RPTOR: variants seen among roughly 807,000 people sequenced by gnomAD.
The protein encoded by RPTOR is regulatory-associated protein of mTOR.
In RPTOR, 21 loss-of-function variants were observed where a neutral mutation model predicts 169.9. The ratio of observed to expected loss-of-function variants is 0.12; its 90% confidence interval spans 0.09 to 0.18. RPTOR has a LOEUF of 0.18. RPTOR is among the 10% of genes least tolerant of loss of function. The probability of loss-of-function intolerance (pLI) is 1.00; values close to 1 mark genes in which losing one functional copy is unlikely to be tolerated. For synonymous variants in RPTOR, 732 were observed against 753.2 expected (o/e 0.97, Z 0.46); for missense variants, 1,133 against 1,855.9 (o/e 0.61, Z 7.16).
intron 9 of RPTOR, among the ~76,000 whole-genome samples, chr17:80,830,613 G>A (rs906671997): frequency 6.6e-5 from 10 of 152,222 alleles, no homozygotes; most frequent in African/African-American, 2.4e-4. Context: ...GCTTCGAAAG[G>A]AGTTTGGTAG....
intron 13 of RPTOR, among the ~76,000 whole-genome samples, chr17:80,879,357 G>C (rs1442227760): frequency 7.0e-6 from 1 of 142,000 alleles, no homozygotes; most frequent in Non-Finnish European, 1.5e-5. Flanking sequence ...ACCTGCCCCC[G>C]CCTGCCCTGC....
intron 3 of RPTOR, among the ~76,000 whole-genome samples, chr17:80,648,049 A>T (rs951872050): frequency 1.3e-5 from 2 of 152,180 alleles, no homozygotes; most frequent in African/African-American, 4.8e-5. Context: ...TATAGTGCCT[A>T]ACCCCAAGCA....
intron 11 of RPTOR, among the ~76,000 whole-genome samples, chr17:80,854,090 G>A (rs1339898439): frequency 1.3e-5 from 2 of 152,016 alleles, no homozygotes; most frequent in East Asian, 1.9e-4. Context: ...ATAAGAAAAA[G>A]CCACATTTTG....
intron 3 of RPTOR, among the ~76,000 whole-genome samples, chr17:80,700,781 A>ATGGTGGTGG (rs1491063957): frequency 3.3e-4 from 1 of 3,022 alleles, no homozygotes; most frequent in Admixed American, 2.9e-3. Flanking sequence ...GGTAGAGATG[A>ATGGTGGTGG]TGATGGTGGT....
intron 12 of RPTOR, among the ~76,000 whole-genome samples, chr17:80,856,118 G>C (rs974781214): frequency 1.3e-5 from 2 of 152,360 alleles, no homozygotes; most frequent in East Asian, 3.9e-4. Flanking sequence ...GAACCACAGA[G>C]TCAAGGAAAC....
At chr17:80,567,798 TAAATA>T (rs1192613067) in intron 1 of RPTOR, among the ~76,000 whole-genome samples, 1 of 136,690 alleles carries the variant, frequency 7.3e-6, no homozygotes, top group Admixed American at 8.3e-5. Flanking sequence ...TATCAAAAAA[TAAATA>T]AAATAAATAA....
chr17:80,698,467 C>T lies in RPTOR; in HGVS notation c.349-9374C>T, dbSNP rs372271230. ...CAGCATGTGGTCATGGCCTGCTCCCCGGGGGCCATTCCAGCCATTGATCCA... is the reference window on the plus strand; with the variant it reads ...CAGCATGTGGTCATGGCCTGCTCCCTGGGGGCCATTCCAGCCATTGATCCA... On this transcript the variant is annotated intron_variant, in intron 3 of 33. Transcript: ENST00000306801. 4.4e-4 allele frequency among the ~76,000 whole-genome samples: 67 copies of T among 152,302 alleles called. 1 individual carries two copies. The highest frequency in any genetic ancestry group is 1.1e-3 in the African/African-American group (46 of 41,576).
chr17:80,815,936 A>G (rs2589131), intron 7 of RPTOR, among the ~76,000 whole-genome samples: 1,629 of 4,552 alleles, frequency 0.36, 430 homozygotes, highest in East Asian at 0.85. Flanking sequence ...TGGACAGTCC[A>G]TCACGTGCAG....
rs552046974 is a variant in RPTOR, at chr17:80,683,650, A to G, written c.349-24191A>G. Among the ~76,000 whole-genome samples, 4 of 152,162 alleles carry G rather than the reference A, an allele frequency of 2.6e-5. No individual in the cohort carries two copies. The South Asian group carries it at 6.2e-4, about 24-fold the overall frequency. On this transcript the variant is annotated intron_variant, in intron 3 of 33. Transcript: ENST00000306801. ...TTCATTCCTTCATTCATTCCTTTAT[A>G]TCATTCTAAAATAAATTCTTATTTT...
At chr17:80,552,068 T>C (rs1448165472) in intron 1 of RPTOR, among the ~76,000 whole-genome samples, 1 of 152,150 alleles carries the variant, frequency 6.6e-6, no homozygotes, top group East Asian at 1.9e-4. Flanking sequence ...ATTAACAGAA[T>C]CTCAAGGCAG....
chr17:80,833,517 G>T (rs991814266), intron 9 of RPTOR, among the ~76,000 whole-genome samples: 1 of 152,150 alleles, frequency 6.6e-6, no homozygotes, highest in Non-Finnish European at 1.5e-5. Context: ...GGCTGCTGCC[G>T]CCGAAGCCCA....
At chr17:80,870,900 A>G (rs1458159350) in intron 13 of RPTOR, among the ~76,000 whole-genome samples, 1 of 152,222 alleles carries the variant, frequency 6.6e-6, no homozygotes, top group Admixed American at 6.5e-5. Context: ...TTGATCAGTT[A>G]TTAACTGCAG....
chr17:80,768,186 C>T (rs2066806942), intron 6 of RPTOR, among the ~76,000 whole-genome samples: 1 of 152,078 alleles, frequency 6.6e-6, no homozygotes, highest in South Asian at 2.1e-4. Flanking sequence ...TTAAGAGCAG[C>T]TTGCCTTTAT....
At chr17:80,769,483 C>T (rs1258425984) in intron 6 of RPTOR, among the ~76,000 whole-genome samples, 3 of 152,184 alleles carry the variant, frequency 2.0e-5, no homozygotes, top group African/African-American at 7.2e-5. Flanking sequence ...TCTGAGTTCC[C>T]ATCCTGTCCC....
intron 9 of RPTOR, among the ~76,000 whole-genome samples, chr17:80,831,086 G>A (rs2067498805): frequency 6.6e-6 from 1 of 152,164 alleles, no homozygotes; most frequent in Non-Finnish European, 1.5e-5. Context: ...TCCCAGCGGA[G>A]ATTCCATAGC....
chr17:80,834,684 T>G (rs1294116125), intron 9 of RPTOR, among the ~76,000 whole-genome samples: 1 of 152,252 alleles, frequency 6.6e-6, no homozygotes, highest in Non-Finnish European at 1.5e-5. Context: ...GGCGGCATCC[T>G]GTCCGGTGTG....
intron 32 of RPTOR, 134 bp downstream of exon 32, chr17:80,962,711 A>C (rs1243762932): frequency 9.1e-7 from 1 of 1,101,904 alleles, no homozygotes; most frequent in African/African-American, 1.6e-5. Flanking sequence ...GGGGACATAA[A>C]AACAAAAGAT....
At chr17:80,872,132 C>G (rs1233052391) in intron 13 of RPTOR, among the ~76,000 whole-genome samples, 1 of 152,220 alleles carries the variant, frequency 6.6e-6, no homozygotes, top group Admixed American at 6.5e-5. Context: ...AAGCTGGCGT[C>G]TTCCACAGAA....
intron 1 of RPTOR, among the ~76,000 whole-genome samples, chr17:80,592,935 T>G (rs1227349371): frequency 6.6e-6 from 1 of 152,192 alleles, no homozygotes; most frequent in Non-Finnish European, 1.5e-5. Context: ...GGCTCCCAGT[T>G]GACCCAGTCG....
Sources: gnomAD v4.1 joint callset for allele counts (sites outside exome capture counted in the v4.1 genomes callset) on GRCh38, gnomAD v4.1.1 for gene constraint, MANE v1.5 for transcripts, NCBI Gene and HGNC (gene_info 2026-07-23, HGNC 2026-07-21) for gene names.